USH2A: variants seen among roughly 807,000 people sequenced by gnomAD.
USH2A encodes the protein usherin.
Under a neutral mutation model 538.9 loss-of-function variants are expected in USH2A, and 443 were observed. The observed-to-expected ratio is 0.82, with a 90% CI of 0.76 to 0.89. USH2A has a LOEUF of 0.89. Ranked by LOEUF, USH2A falls within the 40% of genes least tolerant of loss-of-function variation. USH2A has a pLI of 0.00. For synonymous variants in USH2A, 2,413 were observed against 2,273.5 expected, an observed-to-expected ratio of 1.06 and a Z score of -1.75; for missense variants, 6,633 against 6,324.8, an observed-to-expected ratio of 1.05 and a Z score of -1.65.
intron 61 of USH2A, among the ~76,000 whole-genome samples, chr1:215,685,595 T>C (rs1658399247): frequency 6.6e-6 from 1 of 152,084 alleles, no homozygotes; most frequent in South Asian, 2.1e-4. Context: ...GGACTTCAGG[T>C]GATCCACCCG....
intron 9 of USH2A, among the ~76,000 whole-genome samples, chr1:216,309,502 T>C (rs1329308220): frequency 2.0e-5 from 3 of 152,204 alleles, no homozygotes; most frequent in Non-Finnish European, 4.4e-5. Context: ...TTCTATTTTC[T>C]ATATATCCTT....
At chr1:216,129,968 T>C (rs2033335128) in intron 21 of USH2A, among the ~76,000 whole-genome samples, 1 of 152,058 alleles carries the variant, frequency 6.6e-6, no homozygotes, top group South Asian at 2.1e-4. Flanking sequence ...GAATACAGTC[T>C]CATTAATAAA....
intron 21 of USH2A, among the ~76,000 whole-genome samples, chr1:216,148,474 CG>C (rs956013240): frequency 2.9e-4 from 44 of 152,012 alleles, no homozygotes; most frequent in Non-Finnish European, 5.3e-4. Flanking sequence ...CCTTGGTGAC[CG>C]ATCATGCACC....
intron 21 of USH2A, among the ~76,000 whole-genome samples, chr1:216,138,625 C>T (rs1170179365): frequency 6.6e-6 from 1 of 152,118 alleles, no homozygotes; most frequent in Non-Finnish European, 1.5e-5. Flanking sequence ...TTGACTTCAA[C>T]CTGATCACTT....
At chr1:215,865,553 G>A (rs556812990) in intron 44 of USH2A, among the ~76,000 whole-genome samples, 69 of 152,282 alleles carry the variant, frequency 4.5e-4, no homozygotes, top group African/African-American at 1.4e-3. Context: ...AGTTAGTGAG[G>A]TGGAGTAGAG....
At chr1:216,331,602 A>G (rs2037864058) in intron 4 of USH2A, among the ~76,000 whole-genome samples, 1 of 152,148 alleles carries the variant, frequency 6.6e-6, no homozygotes, top group South Asian at 2.1e-4. Context: ...TACTCAGAAA[A>G]TTTCCATGAC....
rs188057231 is a variant in USH2A at position 216,338,632 on chromosome 1, G to A, written c.785-10978C>T. 1.4e-3 allele frequency among the ~76,000 whole-genome samples: 219 copies of A among 151,436 alleles called. 1 individual carries two copies. The highest frequency in any genetic ancestry group is 0.01 in the Middle Eastern group (3 of 294). Reference sequence around the variant, plus strand: ...AATTTTAAAAGTCAAACCACTGAAGGAAATATTTTTACAATCAATATAATT... The same window carrying A: ...AATTTTAAAAGTCAAACCACTGAAGAAAATATTTTTACAATCAATATAATT... On this transcript the variant is annotated intron_variant, in intron 4 of 71. Coordinates refer to ENST00000307340, the MANE Select transcript of USH2A (RefSeq NM_206933.4).
intron 35 of USH2A, among the ~76,000 whole-genome samples, chr1:215,992,628 ACAATATGTACAT>A: frequency 6.6e-6 from 1 of 152,218 alleles, no homozygotes; most frequent in Non-Finnish European, 1.5e-5. Context: ...GCGTTTTGAC[ACAATATGTACAT>A]GAACTTTCCA....
intron 11 of USH2A, among the ~76,000 whole-genome samples, chr1:216,264,674 A>T (rs753727794): frequency 6.6e-5 from 10 of 152,070 alleles, no homozygotes; most frequent in Non-Finnish European, 1.5e-4. Context: ...TAACTGCAAA[A>T]TTTACTACAA....
At chr1:215,682,654 G>A (rs1168782850) in intron 61 of USH2A, among the ~76,000 whole-genome samples, 2 of 151,936 alleles carry the variant, frequency 1.3e-5, no homozygotes, top group African/African-American at 2.4e-5. Flanking sequence ...TAGGTTGCAA[G>A]CTGAAGTTCA....
intron 3 of USH2A, among the ~76,000 whole-genome samples, chr1:216,408,323 C>T (rs894394960): frequency 6.6e-6 from 1 of 152,094 alleles, no homozygotes; most frequent in Non-Finnish European, 1.5e-5. Context: ...AAACAAAACT[C>T]TTTTTAAGCG....
chr1:215,633,386 C>G (rs917591986), intron 70 of USH2A, among the ~76,000 whole-genome samples: 2 of 152,148 alleles, frequency 1.3e-5, no homozygotes, highest in Admixed American at 6.6e-5. Flanking sequence ...AACCACAAAC[C>G]GTGGACCTCG....
intron 21 of USH2A, among the ~76,000 whole-genome samples, chr1:216,165,622 T>A (rs2034151587): frequency 3.9e-5 from 6 of 152,196 alleles, no homozygotes. Context: ...AATTTTGCCA[T>A]TAAATAATTC....
chr1:216,201,309 CTT>C (rs527521817), intron 16 of USH2A, among the ~76,000 whole-genome samples: 37 of 133,570 alleles, frequency 2.8e-4, no homozygotes, highest in Non-Finnish European at 2.9e-4. Context: ...AGTCTTTTTT[CTT>C]TTTTTTTTTT....
At chr1:215,978,099 C>A (rs932783055) in intron 35 of USH2A, among the ~76,000 whole-genome samples, 1 of 152,108 alleles carries the variant, frequency 6.6e-6, no homozygotes, top group Non-Finnish European at 1.5e-5. Flanking sequence ...TGCACTCCAG[C>A]CTGGGTGACA....
At chr1:216,137,671 C>T (rs2033512961) in intron 21 of USH2A, among the ~76,000 whole-genome samples, 1 of 152,086 alleles carries the variant, frequency 6.6e-6, no homozygotes, top group Non-Finnish European at 1.5e-5. Flanking sequence ...TTTCTGCCTG[C>T]TTATATTCTA....
intron 47 of USH2A, among the ~76,000 whole-genome samples, chr1:215,831,709 TGA>T (rs1183428073): frequency 1.3e-5 from 2 of 152,084 alleles, no homozygotes; most frequent in African/African-American, 4.8e-5. Flanking sequence ...GAAGCAGGAC[TGA>T]GAGAAAAGAA....
chr1:215,819,515 T>C (rs373917997), intron 47 of USH2A, among the ~76,000 whole-genome samples: 175 of 151,982 alleles, frequency 1.2e-3, no homozygotes, highest in African/African-American at 3.8e-3. Flanking sequence ...AACAGTTTCA[T>C]AGATGACTTG....
At chr1:215,863,682 AAT>A (rs1664390036) in intron 44 of USH2A, among the ~76,000 whole-genome samples, 1 of 152,102 alleles carries the variant, frequency 6.6e-6, no homozygotes, top group Non-Finnish European at 1.5e-5. Context: ...GAAGAAGAGA[AAT>A]AGACAAATGG....
Sources: allele counts gnomAD v4.1 joint callset (sites outside exome capture counted in the v4.1 genomes callset), GRCh38; gene constraint gnomAD v4.1.1; transcripts MANE v1.5; gene names NCBI Gene and HGNC (gene_info 2026-07-23, HGNC 2026-07-21).